The following TAF5L variants were observed in gnomAD, a reference collection of about 807,000 sequenced individuals.
The protein encoded by TAF5L is TAF5-like RNA polymerase II p300/CBP-associated factor-associated factor 65 kDa subunit 5L.
In TAF5L, 7 loss-of-function variants were observed where a neutral mutation model predicts 51.3. That is an observed-to-expected ratio of 0.14 (90% CI 0.08 to 0.26). The LOEUF is 0.26. Among genes scored for constraint, TAF5L ranks in the 10% least tolerant of loss-of-function variants. The pLI is 1.00. For synonymous variants in TAF5L, 291 were observed against 308.1 expected, an observed-to-expected ratio of 0.94 and a Z score of 0.58; for missense variants, 575 against 758.9, an observed-to-expected ratio of 0.76 and a Z score of 2.85.
chr1:229,606,495 G>A, intron 3 of TAF5L: 1 of 985,280 alleles, frequency 1.0e-6, no homozygotes, highest in Non-Finnish European at 1.2e-6. Flanking sequence ...GTAGTAAAAA[G>A]GATACTAAAT....
In TAF5L at chr1:229,624,586, G is replaced by GGCA. The variant is rs563271011; in HGVS notation, c.-4+1296_-4+1298dup. Among the ~76,000 whole-genome samples, 514 of 144,860 alleles carry GGCA rather than the reference G, an allele frequency of 3.5e-3. 2 individuals carry two copies. The highest frequency in any genetic ancestry group is 0.011 in the Admixed American group (160 of 14,132). On this transcript the variant is annotated intron_variant, in intron 1 of 4. Coordinates refer to ENST00000258281, the Ensembl canonical transcript of TAF5L. ...TGAGCCCAGGCCTGGGCAACATAGA[G>GGCA]GCACCCTGTCTCTTAAAGATAAAAA...
chr1:229,618,623 A>G (rs1232516975), intron 1 of TAF5L, among the ~76,000 whole-genome samples: 6 of 152,340 alleles, frequency 3.9e-5, no homozygotes, highest in Admixed American at 3.3e-4. Flanking sequence ...AGCCACACTT[A>G]ACATTCAACT....
chr1:229,602,886 G>C lies in TAF5L; in HGVS notation c.281C>G (p.Pro94Arg), dbSNP rs1664439507. The C allele has an allele frequency of 1.9e-6, 3 of 1,604,608 alleles. No homozygotes were observed. The highest frequency in any genetic ancestry group is 4.5e-5 in the East Asian group (2 of 44,862). ...GTAGACAAAGAGAGGATAGAGGAGA[G>C]GCATCACTTCGTGGCTATGCTGGGA... Residue 94 changes from proline (P) to arginine (R), a missense_variant, in exon 4 of 5, where the codon CCT becomes CGT. Physicochemically the swap from Pro to Arg is moderately radical, Grantham distance 103. This residue lies in a region of TAF5L where 380 missense variants were observed against 443.7 expected (regional missense o/e 0.86). Coordinates refer to ENST00000258281, the Ensembl canonical transcript of TAF5L. This position sits in a 1 kb window ranked among gnomAD's most constrained non-coding sequence, Gnocchi z 4.6.
intron 4 of TAF5L, among the ~76,000 whole-genome samples, chr1:229,598,927 G>A (rs950529566): frequency 6.6e-5 from 10 of 152,078 alleles, no homozygotes; most frequent in African/African-American, 2.4e-4. Flanking sequence ...TTGAACTCCT[G>A]ACCTTGTGAT....
chr1:229,596,727 A>AGCTGTCTC (rs1196885423), intron 4 of TAF5L, among the ~76,000 whole-genome samples: 2 of 152,218 alleles, frequency 1.3e-5, no homozygotes, highest in African/African-American at 4.8e-5. Context: ...TCAAAACTAC[A>AGCTGTCTC]GCTGTCTCTT....
chr1:229,611,593 C>A (rs1229575111), intron 2 of TAF5L, among the ~76,000 whole-genome samples: 1 of 152,186 alleles, frequency 6.6e-6, no homozygotes, highest in African/African-American at 2.4e-5. Flanking sequence ...CCTCCTCCTT[C>A]TTCTTGCCCC....
chr1:229,612,500 C>T (rs572988528), intron 2 of TAF5L, among the ~76,000 whole-genome samples: 1 of 152,184 alleles, frequency 6.6e-6, no homozygotes, highest in African/African-American at 2.4e-5. Flanking sequence ...CAATAAGGCA[C>T]TTAGTATTCT....
chr1:229,602,142 T>C lies in TAF5L; in HGVS notation c.972+53A>G. On this transcript the variant is annotated intron_variant, in intron 4 of 4. Transcript: ENST00000258281. The surrounding 1 kb of genome is among the most constrained non-coding windows in gnomAD (Gnocchi z 4.6). ...AGATATGTCGTGTTTGGTAAGGACATTCTAAGGAAATTAGGAAGGCGGGTG... is the reference window on the plus strand; with the variant it reads ...AGATATGTCGTGTTTGGTAAGGACACTCTAAGGAAATTAGGAAGGCGGGTG... The C allele has an allele frequency of 6.4e-7, 1 of 1,574,264 alleles. No individual in the cohort carries two copies. The highest frequency in any genetic ancestry group is 2.2e-5 in the East Asian group (1 of 44,556).
At chr1:229,595,123 G>A (rs370188461) in intron 4 of TAF5L, 29 bp from the exon 5 acceptor site, 114 of 1,537,646 alleles carry the variant, frequency 7.4e-5, no homozygotes, top group Non-Finnish European at 9.9e-5. Flanking sequence ...GGTGGGAAAA[G>A]AAACACACAC....
At position 229,622,018 on chromosome 1, in the gene TAF5L, C is replaced by CATCTATCT. The variant is rs10578192; in HGVS notation, c.-4+3859_-4+3866dup. Among the ~76,000 whole-genome samples the CATCTATCT allele has an allele frequency of 4.2e-4, 62 of 149,056 alleles. 1 individual carries two copies. Among genetic ancestry groups the CATCTATCT allele is most frequent in the African/African-American group, 7.0e-4 (28 of 40,270 alleles). Reference sequence around the variant, plus strand: ...AGCAGAACTTCTTTTCATTCATCATCATCTATCTATCTATCTATCTATCTA... The same window carrying CATCTATCT: ...AGCAGAACTTCTTTTCATTCATCATCATCTATCTATCTATCTATCTATCTATCTATCTA... On this transcript the variant is annotated intron_variant, in intron 1 of 4. Coordinates refer to ENST00000258281, the Ensembl canonical transcript of TAF5L.
intron 4 of TAF5L, among the ~76,000 whole-genome samples, chr1:229,598,629 A>G (rs1664223128): frequency 6.6e-6 from 1 of 152,000 alleles, no homozygotes; most frequent in South Asian, 2.1e-4. Flanking sequence ...TGGTTTTGCC[A>G]TGTTGCTCAA....
chr1:229,602,236 C>A lies in TAF5L; in HGVS notation c.931G>T (p.Val311Leu). 6.2e-7 allele frequency: 1 copy of A among 1,614,116 alleles called. No individual in the cohort carries two copies. Among genetic ancestry groups the A allele is most frequent in the South Asian group, 1.1e-5 (1 of 91,090 alleles). ...TCACAAGCCAAATGGATGCGGGACACGTCTACTTGGTGGGGCTCTGATTTT... is the reference window on the plus strand; with the variant it reads ...TCACAAGCCAAATGGATGCGGGACAAGTCTACTTGGTGGGGCTCTGATTTT... The change falls in exon 4 of 5, where the codon GTG (valine) becomes TTG (leucine). Residue 311 changes from valine (V) to leucine (L), a missense_variant. Val to Leu is a conservative substitution (Grantham distance 32, BLOSUM62 1). Transcript: ENST00000258281. The surrounding 1 kb of genome is among the most constrained non-coding windows in gnomAD (Gnocchi z 4.6).
chr1:229,606,994 C>T (rs969178652), intron 3 of TAF5L: 27 of 985,324 alleles, frequency 2.7e-5, no homozygotes, highest in Non-Finnish European at 3.3e-5. Context: ...CTCCATGTAG[C>T]TGATGCTACA....
Position 229,594,535 on chromosome 1 carries a change from T to C in TAF5L, c.1532A>G (p.Asp511Gly). 6.2e-7 allele frequency: 1 copy of C among 1,614,130 alleles called. No individual in the cohort carries two copies. Among genetic ancestry groups the C allele is most frequent in the Non-Finnish European group, 8.5e-7 (1 of 1,179,986 alleles). ...ACTGAAGGTGAGGCTGGTGATATTGTCTGTGTGGCCTCTCAACTCTTTATA... is the reference window on the plus strand; with the variant it reads ...ACTGAAGGTGAGGCTGGTGATATTGCCTGTGTGGCCTCTCAACTCTTTATA... Residue 511 changes from aspartate (D) to glycine (G), a missense_variant, in exon 5 of 5, where the codon GAC becomes GGC. Coordinates refer to ENST00000258281, the Ensembl canonical transcript of TAF5L. This position sits in a 1 kb window ranked among gnomAD's most constrained non-coding sequence, Gnocchi z 7.9.
intron 4 of TAF5L, chr1:229,600,510 C>T (rs1664331871): frequency 4.1e-6 from 4 of 985,428 alleles, no homozygotes; most frequent in Non-Finnish European, 4.8e-6. Flanking sequence ...TCTCCCTTAT[C>T]CCCTACAGTA....
intron 2 of TAF5L, among the ~76,000 whole-genome samples, chr1:229,610,917 G>A (rs1443500537): frequency 1.3e-5 from 2 of 151,950 alleles, no homozygotes; most frequent in African/African-American, 4.8e-5. Context: ...TGAATCTTAA[G>A]TATTTAAAAC....
chr1:229,611,002 T>C (rs1459047019), intron 2 of TAF5L, among the ~76,000 whole-genome samples: 1 of 152,194 alleles, frequency 6.6e-6, no homozygotes, highest in Non-Finnish European at 1.5e-5. Context: ...TAGGGTTCAA[T>C]GGCCCCTGGC....
At chr1:229,595,091 C>A in exon 5 of TAF5L, 1 of 1,590,252 alleles carries the variant, frequency 6.3e-7, no homozygotes, top group Non-Finnish European at 8.6e-7. Flanking sequence ...TCATCCTCAT[C>A]ATCCTGGGAA....
chr1:229,607,470 G>C (rs1571842027), intron 3 of TAF5L: 2 of 985,172 alleles, frequency 2.0e-6, no homozygotes, highest in East Asian at 2.3e-4. Context: ...CTGCCTTTTT[G>C]CTCATGTTAT....
Sources: allele counts gnomAD v4.1 joint callset (sites outside exome capture counted in the v4.1 genomes callset), GRCh38; gene constraint gnomAD v4.1.1; regional missense constraint gnomAD v4.1.1; non-coding constraint Gnocchi (gnomAD v3.1); transcripts MANE v1.5; gene names NCBI Gene and HGNC (gene_info 2026-07-23, HGNC 2026-07-21).